LPP: variants seen among roughly 807,000 people sequenced by gnomAD.
The protein encoded by LPP is LIM domain containing preferred translocation partner in lipoma, also known as lipoma-preferred partner.
LPP carries 38 observed loss-of-function variants against 60.4 expected under a neutral mutation model. The ratio of observed to expected loss-of-function variants is 0.63; its 90% confidence interval spans 0.49 to 0.83. LPP has a LOEUF of 0.83. Ranked by LOEUF, LPP falls within the 40% of genes least tolerant of loss-of-function variation. The pLI, the probability that LPP is intolerant of heterozygous loss-of-function variation, is 0.00. For synonymous variants in LPP, 328 were observed against 290.8 expected, an observed-to-expected ratio of 1.13 and a Z score of -1.30; for missense variants, 902 against 783.6, an observed-to-expected ratio of 1.15 and a Z score of -1.80.
chr3:188,472,964 C>CTAGA lies in LPP; in HGVS notation c.194-11627_194-11624dup, dbSNP rs752794496. 14 of 152,256 alleles carry CTAGA rather than the reference C, an allele frequency of 9.2e-5. No homozygotes were observed. The East Asian group carries it at 2.7e-3, about 29-fold the overall frequency. 9.4% of individuals were successfully genotyped at this position (152,256 alleles called of 1,614,324 possible). Reference sequence around the variant, plus strand: ...TGTGCTGTGGTCAGTGTGTCCTTAGCTAGAAGTTAAGATATTTGGGGTCAC... The same window carrying CTAGA: ...TGTGCTGTGGTCAGTGTGTCCTTAGCTAGATAGAAGTTAAGATATTTGGGGTCAC... On this transcript the variant is annotated intron_variant, in intron 4 of 11. Coordinates refer to ENST00000617246, the MANE Select transcript of LPP (RefSeq NM_001375462.1).
At chr3:188,538,168 A>G (rs1011200751) in intron 6 of LPP, among the ~76,000 whole-genome samples, 2 of 152,236 alleles carry the variant, frequency 1.3e-5, no homozygotes, top group African/African-American at 4.8e-5. Flanking sequence ...TTTCTTAAAC[A>G]TGACATCAAA....
At chr3:188,507,090 C>G (rs970090735) in intron 5 of LPP, among the ~76,000 whole-genome samples, 5 of 152,196 alleles carry the variant, frequency 3.3e-5, no homozygotes, top group African/African-American at 1.2e-4. Flanking sequence ...AGCCACCACG[C>G]CCGGCCCATA....
chr3:188,311,187 GCTCTCT>G (rs10662292), intron 2 of LPP, among the ~76,000 whole-genome samples: 2 of 148,408 alleles, frequency 1.3e-5, no homozygotes, highest in Non-Finnish European at 3.0e-5. Context: ...TATTTTATAT[GCTCTCT>G]CTCTCTCTCT....
At chr3:188,443,830 T>G (rs1794613208) in intron 4 of LPP, among the ~76,000 whole-genome samples, 1 of 152,212 alleles carries the variant, frequency 6.6e-6, no homozygotes, top group Non-Finnish European at 1.5e-5. Context: ...AATTTGCAGC[T>G]TAATATTATT....
intron 9 of LPP, among the ~76,000 whole-genome samples, chr3:188,817,341 G>T (rs1208979894): frequency 6.6e-6 from 1 of 152,178 alleles, no homozygotes; most frequent in Non-Finnish European, 1.5e-5. Flanking sequence ...GTAGTAGTGG[G>T]CAGTGACCTA....
chr3:188,483,977 T>C (rs1805557444), intron 4 of LPP, among the ~76,000 whole-genome samples: 1 of 152,216 alleles, frequency 6.6e-6, no homozygotes, highest in African/African-American at 2.4e-5. Context: ...TCTTTATAAC[T>C]CACTGGCATT....
chr3:188,424,562 T>G (rs1329361679), intron 4 of LPP, among the ~76,000 whole-genome samples: 1 of 152,178 alleles, frequency 6.6e-6, no homozygotes, highest in East Asian at 1.9e-4. Context: ...GCCATTTTCA[T>G]GATATTGATT....
At chr3:188,416,262 A>G (rs1786247019) in intron 4 of LPP, among the ~76,000 whole-genome samples, 1 of 152,276 alleles carries the variant, frequency 6.6e-6, no homozygotes, top group African/African-American at 2.4e-5. Flanking sequence ...TATGGCTTAA[A>G]CCTGTGGTTT....
intron 2 of LPP, among the ~76,000 whole-genome samples, chr3:188,269,795 C>T (rs561536537): frequency 2.6e-4 from 39 of 151,984 alleles, no homozygotes; most frequent in Middle Eastern, 3.4e-3. Flanking sequence ...GTACTACAGG[C>T]GCGTGCCACC....
At chr3:188,190,060 T>A (rs1308035648) in intron 1 of LPP, among the ~76,000 whole-genome samples, 1 of 151,056 alleles carries the variant, frequency 6.6e-6, no homozygotes, top group African/African-American at 2.4e-5. Context: ...TGTGGATTTT[T>A]TTTTTTTTTT....
intron 7 of LPP, among the ~76,000 whole-genome samples, chr3:188,631,232 C>G (rs1475382666): frequency 6.6e-6 from 1 of 152,116 alleles, no homozygotes; most frequent in Non-Finnish European, 1.5e-5. Flanking sequence ...TATCTTTCTT[C>G]TAGCCTGAGT....
chr3:188,154,416 C>A (rs1715497071), intron 1 of LPP, among the ~76,000 whole-genome samples, 164 bp downstream of exon 1: 1 of 152,144 alleles, frequency 6.6e-6, no homozygotes, highest in South Asian at 2.1e-4. Context: ...GGCCCAATCA[C>A]GGGGTGCACG....
chr3:188,825,722 TAC>T (rs1024816487), intron 9 of LPP, among the ~76,000 whole-genome samples: 1 of 151,992 alleles, frequency 6.6e-6, no homozygotes, highest in African/African-American at 2.4e-5. Context: ...GAAAAAGACA[TAC>T]ACACACACAT....
chr3:188,360,536 T>A, intron 3 of LPP, among the ~76,000 whole-genome samples: 1 of 152,130 alleles, frequency 6.6e-6, no homozygotes, highest in Non-Finnish European at 1.5e-5. Flanking sequence ...TTTTTTCTTT[T>A]TGTGGAGATG....
At chr3:188,231,976 G>T (rs974258121) in intron 2 of LPP, among the ~76,000 whole-genome samples, 5 of 152,118 alleles carry the variant, frequency 3.3e-5, no homozygotes, top group African/African-American at 1.2e-4. Context: ...TAGGAACAGA[G>T]AGCTGATATA....
intron 2 of LPP, among the ~76,000 whole-genome samples, chr3:188,328,015 T>C (rs1560254102): frequency 6.6e-6 from 1 of 152,196 alleles, no homozygotes; most frequent in Non-Finnish European, 1.5e-5. Flanking sequence ...ATTTAATTTG[T>C]TGTGAAATAT....
chr3:188,762,720 G>A (rs781123380), intron 9 of LPP, among the ~76,000 whole-genome samples: 2 of 151,770 alleles, frequency 1.3e-5, no homozygotes, highest in African/African-American at 2.4e-5. Flanking sequence ...ATATTTAATC[G>A]CGTACTTGGA....
At chr3:188,323,851 T>G (rs911266129) in intron 2 of LPP, among the ~76,000 whole-genome samples, 2 of 152,168 alleles carry the variant, frequency 1.3e-5, no homozygotes, top group African/African-American at 4.8e-5. Flanking sequence ...GGTCATAGAT[T>G]TTAGGGTTTT....
At chr3:188,228,081 G>A (rs542665662) in intron 2 of LPP, among the ~76,000 whole-genome samples, 1 of 152,240 alleles carries the variant, frequency 6.6e-6, no homozygotes, top group African/African-American at 2.4e-5. Flanking sequence ...CTAGAGAGCC[G>A]GGCTTTAGTT....
Sources: gnomAD v4.1 joint callset for allele counts (sites outside exome capture counted in the v4.1 genomes callset) on GRCh38, gnomAD v4.1.1 for gene constraint, MANE v1.5 for transcripts, NCBI Gene and HGNC (gene_info 2026-07-23, HGNC 2026-07-21) for gene names.